ANK2: variants seen among roughly 807,000 people sequenced by gnomAD.
ANK2 encodes the protein ankyrin-2.
ANK2 carries 83 observed loss-of-function variants against 360.5 expected under a neutral mutation model. The ratio of observed to expected loss-of-function variants is 0.23; its 90% CI spans 0.19 to 0.28. The LOEUF (loss-of-function observed/expected upper bound fraction) is 0.28, where lower values mean the gene tolerates loss of function less well. ANK2 is among the 10% of genes least tolerant of loss of function. The pLI, the probability that ANK2 is intolerant of heterozygous loss-of-function variation, is 1.00. For missense variants in ANK2, 4,201 were observed against 4,795.7 expected, an observed-to-expected ratio of 0.88 and a Z score of 3.66; for synonymous variants, 1,740 against 1,759.5, an observed-to-expected ratio of 0.99 and a Z score of 0.28.
At chr4:113,053,437 G>GA (rs2154327629) in intron 1 of ANK2, among the ~76,000 whole-genome samples, 1 of 152,292 alleles carries the variant, frequency 6.6e-6, no homozygotes, top group African/African-American at 2.4e-5. Flanking sequence ...GCAGATTTGG[G>GA]ATTGATGTTC....
chr4:112,795,309 G>C, the ANK2 span, among the ~76,000 whole-genome samples: 2 of 152,148 alleles, frequency 1.3e-5, no homozygotes, highest in Non-Finnish European at 2.9e-5. Context: ...ATTACTCAGA[G>C]ACTTGACATG....
chr4:113,358,896 A>G lies in ANK2; in HGVS notation c.10278A>G (p.Leu3426=), dbSNP rs886059016. 17 of 1,614,068 alleles carry G rather than the reference A, an allele frequency of 1.1e-5. No individual in the cohort carries two copies. Among genetic ancestry groups the G allele is most frequent in the Non-Finnish European group, 1.4e-5 (16 of 1,179,952 alleles). Residue 3426 remains leucine (L), a synonymous_variant, in exon 38 of 46, where the codon TTA becomes TTG. Transcript: ENST00000357077. The part of the protein sequence containing the change: ...ESRERAEELE[L]ESEEGATRPK... ...GAGAGAGGGCCGAGGAACTTGAGTT[A>G]GAATCAGAAGAAGGGGCCACAAGAC...
At chr4:113,125,970 G>A (rs1430773034) in intron 1 of ANK2, among the ~76,000 whole-genome samples, 1 of 152,154 alleles carries the variant, frequency 6.6e-6, no homozygotes, top group African/African-American at 2.4e-5. Flanking sequence ...CTGTTGTGGT[G>A]CATGAAATTT....
intron 23 of ANK2, among the ~76,000 whole-genome samples, chr4:113,307,937 A>G (rs534127161): frequency 7.2e-5 from 11 of 152,348 alleles, no homozygotes; most frequent in African/African-American, 2.4e-4. Flanking sequence ...TAAACCTGGG[A>G]ATCATCATTC....
the ANK2 span, among the ~76,000 whole-genome samples, chr4:112,780,063 AAAT>A: frequency 6.6e-6 from 1 of 152,082 alleles, no homozygotes; most frequent in Non-Finnish European, 1.5e-5. Flanking sequence ...TCTCTACTAA[AAAT>A]ACAAAAATTA....
intron 1 of ANK2, among the ~76,000 whole-genome samples, chr4:113,162,636 C>G (rs796685509): frequency 2.0e-5 from 3 of 150,892 alleles, no homozygotes; most frequent in African/African-American, 7.3e-5. Context: ...GTAAAACAAA[C>G]AAACAAACAC....
intron 2 of ANK2, among the ~76,000 whole-genome samples, chr4:112,974,763 G>A (rs1222421186): frequency 6.6e-6 from 1 of 151,746 alleles, no homozygotes. Flanking sequence ...TAGAGAACTT[G>A]CATTCTTCAT....
chr4:112,862,421 G>A (rs1272769836), intron 1 of ANK2, among the ~76,000 whole-genome samples: 1 of 152,140 alleles, frequency 6.6e-6, no homozygotes, highest in Non-Finnish European at 1.5e-5. Context: ...TGTGAAGGCT[G>A]GACTTCATTA....
intron 1 of ANK2, among the ~76,000 whole-genome samples, chr4:112,844,612 T>C (rs1354110875): frequency 1.3e-5 from 2 of 152,204 alleles, no homozygotes; most frequent in African/African-American, 2.4e-5. Context: ...AAAATATATG[T>C]AGAACAAGGA....
At position 113,174,404 on chromosome 4, in the gene ANK2, T is replaced by C. The variant is rs753544572; in HGVS notation, c.85-12T>C. The C allele has an allele frequency of 3.1e-6, 5 of 1,605,414 alleles. No individual in the cohort carries two copies. The South Asian group carries it at 4.4e-5, about 14-fold the overall frequency. On this transcript the variant is annotated splice_polypyrimidine_tract_variant and intron_variant, in intron 1 of 45. Transcript: ENST00000357077. ...TCAATAGTTCATTAAAGGTCTTTTATTTTTCTCGCAGTCTGACAGCAATGC... is the reference window on the plus strand; with the variant it reads ...TCAATAGTTCATTAAAGGTCTTTTACTTTTCTCGCAGTCTGACAGCAATGC...
chr4:113,381,727 A>C lies in ANK2; in HGVS notation c.*256A>C. 1 of 1,365,416 alleles carries C rather than the reference A, an allele frequency of 7.3e-7. No homozygotes were observed. The highest frequency in any genetic ancestry group is 1.4e-5 in the African/African-American group (1 of 69,454). 84.6% of individuals were successfully genotyped at this position (1,365,416 alleles called of 1,614,324 possible). A position where few individuals can be genotyped will look rare whatever the true frequency, so the allele number is the denominator to read the frequency against. On this transcript the variant is annotated 3_prime_UTR_variant, in exon 46 of 46. Transcript: ENST00000357077. Reference sequence around the variant, plus strand: ...AGTAGGGGAGTGACCTAACTGGCCTAATTAATGGGATACCCCGACATTTCC... The same window carrying C: ...AGTAGGGGAGTGACCTAACTGGCCTCATTAATGGGATACCCCGACATTTCC...
intron 9 of ANK2, among the ~76,000 whole-genome samples, chr4:113,244,451 GT>G (rs1425373764): frequency 6.6e-6 from 1 of 152,098 alleles, no homozygotes; most frequent in Non-Finnish European, 1.5e-5. Flanking sequence ...ACCTTTGCTG[GT>G]TTCCATGGTG....
At chr4:112,760,423 G>T in the ANK2 span, among the ~76,000 whole-genome samples, 1 of 151,942 alleles carries the variant, frequency 6.6e-6, no homozygotes, top group Non-Finnish European at 1.5e-5. Context: ...TCCTGACCTT[G>T]TGATCCGCCC....
chr4:113,196,545 T>G, intron 3 of ANK2, 79 bp downstream of exon 3: 1 of 1,271,192 alleles, frequency 7.9e-7, no homozygotes, highest in South Asian at 1.3e-5. Context: ...TATTTATTTT[T>G]TAGACAAGGT....
the ANK2 span, among the ~76,000 whole-genome samples, chr4:112,763,467 C>T: frequency 6.6e-6 from 1 of 151,446 alleles, no homozygotes; most frequent in Non-Finnish European, 1.5e-5. Context: ...CTCCTGACCT[C>T]GTGATCTGCC....
At chr4:112,827,596 C>T (rs2058674236) in intron 1 of ANK2, 2 of 948,792 alleles carry the variant, frequency 2.1e-6, no homozygotes, top group South Asian at 2.7e-5. Flanking sequence ...ATACCTGGCC[C>T]TTCTGAAGGG....
At chr4:112,921,472 T>A (rs1581197363) in intron 2 of ANK2, among the ~76,000 whole-genome samples, 1 of 151,750 alleles carries the variant, frequency 6.6e-6, no homozygotes. Context: ...CCTCTAATTA[T>A]TTTTTAAAGA....
chr4:112,911,800 G>C (rs1455281931), intron 2 of ANK2, among the ~76,000 whole-genome samples: 1 of 152,200 alleles, frequency 6.6e-6, no homozygotes, highest in Non-Finnish European at 1.5e-5. Context: ...TAGAAAAATA[G>C]TTTAAGTTTT....
chr4:113,236,415 A>G (rs1482956048), intron 5 of ANK2, among the ~76,000 whole-genome samples: 1 of 152,172 alleles, frequency 6.6e-6, no homozygotes, highest in Non-Finnish European at 1.5e-5. Context: ...TTCAACTATT[A>G]AGAGCATAAT....
Sources: allele counts gnomAD v4.1 joint callset (sites outside exome capture counted in the v4.1 genomes callset), GRCh38; gene constraint gnomAD v4.1.1; transcripts MANE v1.5; gene names NCBI Gene and HGNC (gene_info 2026-07-23, HGNC 2026-07-21).